Variants in CENPF observed in about 807,000 individuals in gnomAD.
The protein encoded by CENPF is centromere protein F.
In CENPF, 214 loss-of-function variants were observed where a neutral mutation model predicts 307.3. That is an observed-to-expected ratio of 0.70 (90% CI 0.62 to 0.78). The LOEUF (loss-of-function observed/expected upper bound fraction) is 0.78, where lower values mean the gene tolerates loss of function less well. Among genes scored for constraint, CENPF ranks in the 30% least tolerant of loss-of-function variants. CENPF has a pLI of 0.00. For missense variants in CENPF, 3,401 were observed against 3,483.9 expected (o/e 0.98, Z 0.60); for synonymous variants, 1,259 against 1,270.6 (o/e 0.99, Z 0.19).
At chr1:214,614,732 C>T (rs1412612314) in intron 2 of CENPF, 100 bp from the exon 3 acceptor site, 1 of 724,190 alleles carries the variant, frequency 1.4e-6, no homozygotes, top group Middle Eastern at 4.1e-4. Context: ...GCAGCTGTAT[C>T]TCAGGAATTT....
At position 214,647,207 on chromosome 1, in the gene CENPF, G is replaced by C; in HGVS notation, c.7637G>C (p.Gly2546Ala). 2 of 1,614,070 alleles carry C rather than the reference G, an allele frequency of 1.2e-6. No homozygotes were observed. Among genetic ancestry groups the C allele is most frequent in the Non-Finnish European group, 1.7e-6 (2 of 1,179,976 alleles). The change falls in exon 13 of 20, where the codon GGA becomes GCA. Residue 2546 changes from glycine (G) to alanine (A), a missense_variant. Coordinates refer to ENST00000366955, the MANE Select transcript of CENPF (RefSeq NM_016343.4). ...GTCTCTAAACTGTCCCAGGTGGAAG[G>C]AGAGCACCAACTTTGGAAGGAGCAA... ...QLVSKLSQVE[G>A]EHQLWKEQNL...
At position 214,615,033 on chromosome 1, in the gene CENPF, T is replaced by C; in HGVS notation, c.359+5T>C. The C allele has an allele frequency of 6.3e-7, 1 of 1,583,402 alleles. No individual in the cohort carries two copies. Among genetic ancestry groups the C allele is most frequent in the African/African-American group, 1.4e-5 (1 of 73,470 alleles). ...ACTGGAACAGGAACTTAAAAGGTAA[T>C]ATTTTGGGATGGTATTTATAGGGAT... On this transcript the variant is annotated splice_donor_5th_base_variant and intron_variant, in intron 3 of 19. Transcript: ENST00000366955.
chr1:214,626,916 T>C (rs939744868), intron 7 of CENPF, among the ~76,000 whole-genome samples: 8 of 152,252 alleles, frequency 5.3e-5, no homozygotes, highest in African/African-American at 1.9e-4. Flanking sequence ...TTTTACACTT[T>C]ACTTATTTGG....
chr1:214,628,677 A>T (rs141574226), intron 7 of CENPF, among the ~76,000 whole-genome samples: 138 of 152,332 alleles, frequency 9.1e-4, no homozygotes, highest in African/African-American at 3.2e-3. Context: ...TTGTGGAAAG[A>T]AGCATTTTAA....
rs975393396 is a variant in CENPF, at chr1:214,646,394, T to C, written c.6824T>C (p.Leu2275Ser). The C allele has an allele frequency of 6.2e-7, 1 of 1,614,110 alleles. No homozygotes were observed. The highest frequency in any genetic ancestry group is 1.7e-5 in the Admixed American group (1 of 60,010). Reference protein sequence around the residue: ...LKELNEAVAALCGDQEIMKAT... With the variant: ...LKELNEAVAASCGDQEIMKAT... ...GAGCTAAATGAGGCAGTAGCAGCCTTGTGTGGTGACCAAGAAATTATGAAG... is the reference window on the plus strand; with the variant it reads ...GAGCTAAATGAGGCAGTAGCAGCCTCGTGTGGTGACCAAGAAATTATGAAG... Residue 2275 changes from leucine (L) to serine (S), a missense_variant, in exon 13 of 20, where the codon TTG becomes TCG. Physicochemically the swap from Leu to Ser is moderately radical, Grantham distance 145. Coordinates refer to ENST00000366955, the MANE Select transcript of CENPF (RefSeq NM_016343.4).
At chr1:214,605,864 A>G in intron 1 of CENPF, 1 of 1,597,078 alleles carries the variant, frequency 6.3e-7, no homozygotes, top group Non-Finnish European at 8.5e-7. Flanking sequence ...GTGGATGATG[A>G]GCACGGGCGA....
intron 10 of CENPF, among the ~76,000 whole-genome samples, chr1:214,635,916 C>T (rs1657955113): frequency 6.6e-6 from 1 of 152,126 alleles, no homozygotes; most frequent in Admixed American, 6.5e-5. Context: ...TGGGACGCAC[C>T]TAGTTTTGCA....
rs773894218 is a variant in CENPF, at chr1:214,645,040, G to A, written c.5470G>A (p.Ala1824Thr). ...QEVQLMTKIEACIELEKIVGE... is the reference protein window; with the variant it reads ...QEVQLMTKIETCIELEKIVGE... The stretch of plus-strand genomic sequence containing the variant: ...GGTACAACTAATGACCAAAATTGAA[G>A]CATGCATAGAATTGGAAAAAATAGT... Residue 1824 changes from alanine (A) to threonine (T), a missense_variant, in exon 13 of 20, where the codon GCA (alanine) becomes ACA (threonine). By Grantham distance (58) the Ala-to-Thr change is moderately conservative. Transcript: ENST00000366955. 3.1e-6 allele frequency: 5 copies of A among 1,613,838 alleles called. No individual in the cohort carries two copies. The highest frequency in any genetic ancestry group is 3.3e-4 in the Middle Eastern group (2 of 6,060).
In CENPF at chr1:214,631,298, A is replaced by G. The variant is rs143202608; in HGVS notation, c.1323+636A>G. 1.4e-3 allele frequency among the ~76,000 whole-genome samples: 209 copies of G among 152,054 alleles called. 2 individuals are homozygous for G. The highest frequency in any genetic ancestry group is 4.9e-3 in the African/African-American group (202 of 41,482). The stretch of plus-strand genomic sequence containing the variant: ...ACTTCTATTCTTCTTTTTCTCTTAC[A>G]CTTGAATCTGCTGCCTCTACTGATG... On this transcript the variant is annotated intron_variant, in intron 9 of 19. Transcript: ENST00000366955.
rs1658646309 is a variant in CENPF at position 214,656,863 on chromosome 1, GC to G, written c.8486-69del. 9.0e-6 allele frequency: 9 copies of G among 1,001,150 alleles called. No individual in the cohort carries two copies. In the Admixed American group the frequency reaches 9.1e-5, roughly 10 times the overall value. 62.0% of individuals were successfully genotyped at this position (1,001,150 alleles called of 1,614,324 possible). On this transcript the variant is annotated intron_variant, in intron 17 of 19. Coordinates refer to ENST00000366955, the MANE Select transcript of CENPF (RefSeq NM_016343.4). ...AGAAAGAACACGTCTAAGATTATCT[GC>G]TTCACGATGCCCATTGTTAACTAGA...
In CENPF at chr1:214,642,176, TCAA is replaced by T. The variant is rs1405250318; in HGVS notation, c.3842_3844del (p.Thr1281del). On this transcript the variant is annotated inframe_deletion, in exon 12 of 20. Coordinates refer to ENST00000366955, the MANE Select transcript of CENPF (RefSeq NM_016343.4). ...GTATATTTCAGGGCCTCATGAGTTG[TCAA>T]CAAGTCAAAACGACAATGCACACCT... is the stretch of plus-strand genomic sequence containing the variant. The T allele has an allele frequency of 3.1e-6, 5 of 1,614,004 alleles. No individual in the cohort carries two copies. The highest frequency in any genetic ancestry group is 4.2e-6 in the Non-Finnish European group (5 of 1,180,020).
intron 1 of CENPF, among the ~76,000 whole-genome samples, chr1:214,611,009 T>C (rs1276747453): frequency 6.6e-6 from 1 of 152,218 alleles, no homozygotes; most frequent in Non-Finnish European, 1.5e-5. Flanking sequence ...GGCTTATTTC[T>C]GGGCTCTCTA....
chr1:214,613,898 G>T lies in CENPF; in HGVS notation c.144G>T (p.Leu48=). The change falls in exon 2 of 20, where the codon CTG becomes CTT. Residue 48 remains leucine (L), a synonymous_variant. Coordinates refer to ENST00000366955, the MANE Select transcript of CENPF (RefSeq NM_016343.4). The part of the protein sequence containing the change: ...QFQLDSLEAA[L]QKQKQKVENE... The stretch of plus-strand genomic sequence containing the variant: ...AGCTTGACAGTCTCGAGGCTGCGCT[G>T]CAGAAGCAAAAACAGAAGGTACCCC... The T allele has an allele frequency of 1.2e-6, 2 of 1,609,482 alleles. No individual in the cohort carries two copies. The highest frequency in any genetic ancestry group is 1.7e-6 in the Non-Finnish European group (2 of 1,178,704).
At chr1:214,613,557 CT>C (rs1657254944) in intron 1 of CENPF, among the ~76,000 whole-genome samples, 156 bp from the exon 2 acceptor site, 1 of 151,772 alleles carries the variant, frequency 6.6e-6, no homozygotes, top group Non-Finnish European at 1.5e-5. Flanking sequence ...TGGTTGCCAC[CT>C]TTCAGAGGAT....
At chr1:214,620,582 A>G in intron 5 of CENPF, 73 bp from the exon 6 acceptor site, 1 of 1,441,764 alleles carries the variant, frequency 6.9e-7, no homozygotes, top group Non-Finnish European at 9.4e-7. Context: ...ATGGCTTTAT[A>G]TTCTATCTGA....
rs369791107 is a variant in CENPF, at chr1:214,641,707, C to G, written c.3369C>G (p.Ser1123Arg). 6.3e-7 allele frequency: 1 copy of G among 1,579,452 alleles called. No individual in the cohort carries two copies. The highest frequency in any genetic ancestry group is 1.2e-5 in the South Asian group (1 of 84,576). Residue 1123 changes from serine (S) to arginine (R), a missense_variant, in exon 12 of 20, where the codon AGC becomes AGG. Ser to Arg is a moderately radical substitution (Grantham distance 110). Coordinates refer to ENST00000366955, the MANE Select transcript of CENPF (RefSeq NM_016343.4). ...EMTDNQNNSK[S>R]EAGGLKQEIM... Reference sequence around the variant, plus strand: ...CAGATAACCAAAACAATTCTAAGAGCGAGGCTGGTGGTTTAAAGCAAGAAA... The same window carrying G: ...CAGATAACCAAAACAATTCTAAGAGGGAGGCTGGTGGTTTAAAGCAAGAAA...
intron 5 of CENPF, among the ~76,000 whole-genome samples, 190 bp downstream of exon 5, chr1:214,619,410 A>G (rs1227538614): frequency 6.6e-6 from 1 of 152,184 alleles, no homozygotes; most frequent in Non-Finnish European, 1.5e-5. Context: ...GAATGAATAA[A>G]ATAGAGTGGG....
chr1:214,624,796 C>G (rs1571703314), intron 7 of CENPF, among the ~76,000 whole-genome samples: 1 of 151,906 alleles, frequency 6.6e-6, no homozygotes, highest in Admixed American at 6.6e-5. Context: ...TCATTAGGAC[C>G]TGTTGGTTGA....
intron 10 of CENPF, among the ~76,000 whole-genome samples, chr1:214,633,378 AG>A (rs1189448979): frequency 5.9e-5 from 9 of 152,378 alleles, no homozygotes; most frequent in African/African-American, 2.2e-4. Context: ...GACAGTTAAT[AG>A]ACTGAAACAA....
Sources: gnomAD v4.1 joint callset for allele counts (sites outside exome capture counted in the v4.1 genomes callset) on GRCh38, gnomAD v4.1.1 for gene constraint, MANE v1.5 for transcripts, NCBI Gene and HGNC (gene_info 2026-07-23, HGNC 2026-07-21) for gene names.